SAMD4A: variants seen among roughly 807,000 people sequenced by gnomAD.
The protein encoded by SAMD4A is sterile alpha motif domain containing 4A.
Under a neutral mutation model 81.3 loss-of-function variants are expected in SAMD4A, and 33 were observed. The observed-to-expected ratio is 0.41, with a 90% CI of 0.31 to 0.54. The LOEUF is 0.54. Among genes scored for constraint, SAMD4A ranks in the 20% least tolerant of loss-of-function variants. The pLI, the probability that SAMD4A is intolerant of heterozygous loss-of-function variation, is 0.37. For missense variants in SAMD4A, 854 were observed against 951.1 expected, an observed-to-expected ratio of 0.90 and a Z score of 1.34; for synonymous variants, 389 against 382.1, an observed-to-expected ratio of 1.02 and a Z score of -0.21.
intron 3 of SAMD4A, among the ~76,000 whole-genome samples, chr14:54,715,751 G>T (rs2140833137): frequency 6.6e-6 from 1 of 152,196 alleles, no homozygotes; most frequent in Non-Finnish European, 1.5e-5. Context: ...AAATGATTCA[G>T]CCTGGAATAA....
intron 2 of SAMD4A, among the ~76,000 whole-genome samples, chr14:54,660,954 C>G (rs1259812471): frequency 6.6e-6 from 1 of 152,214 alleles, no homozygotes; most frequent in Non-Finnish European, 1.5e-5. Flanking sequence ...ATTCAGGCAT[C>G]TTTTTAGTTC....
chr14:54,771,404 ACCAGCT>A (rs937808500), intron 9 of SAMD4A, among the ~76,000 whole-genome samples: 1 of 152,218 alleles, frequency 6.6e-6, no homozygotes, highest in Non-Finnish European at 1.5e-5. Context: ...GCAGGCTGGC[ACCAGCT>A]CCAGCTCCAT....
chr14:54,773,662 T>A (rs2038762893), intron 9 of SAMD4A, among the ~76,000 whole-genome samples: 1 of 152,202 alleles, frequency 6.6e-6, no homozygotes, highest in African/African-American at 2.4e-5. Flanking sequence ...GGACCTGCCC[T>A]GGCCCTTATG....
intron 2 of SAMD4A, among the ~76,000 whole-genome samples, chr14:54,621,208 A>C (rs1171807355): frequency 6.6e-6 from 1 of 152,216 alleles, no homozygotes; most frequent in African/African-American, 2.4e-5. Flanking sequence ...GCAACTCTTG[A>C]ATTCAAACAT....
intron 2 of SAMD4A, among the ~76,000 whole-genome samples, chr14:54,629,007 A>T (rs1425632507): frequency 6.6e-6 from 1 of 152,020 alleles, no homozygotes; most frequent in African/African-American, 2.4e-5. Flanking sequence ...TATGAATGTG[A>T]CCTTCTTTGG....
chr14:54,757,906 T>C (rs1008270172), intron 6 of SAMD4A, among the ~76,000 whole-genome samples: 7 of 152,146 alleles, frequency 4.6e-5, no homozygotes, highest in Non-Finnish European at 1.0e-4. Flanking sequence ...ATGGGTCAGC[T>C]AGCTCACCTC....
upstream of SAMD4A, among the ~76,000 whole-genome samples, chr14:54,566,095 G>A (rs1333841540): frequency 1.3e-5 from 2 of 151,564 alleles, no homozygotes; most frequent in African/African-American, 2.4e-5. Context: ...GGGGAGCTCC[G>A]GCTCGGGCGG....
intron 2 of SAMD4A, 151 bp from the exon 3 acceptor site, chr14:54,701,911 A>C: frequency 1.3e-6 from 1 of 796,692 alleles, no homozygotes; most frequent in Non-Finnish European, 1.9e-6. Context: ...ACCTGGGGTC[A>C]GTTAACCAAT....
chr14:54,732,213 T>C (rs2037575154), intron 3 of SAMD4A, among the ~76,000 whole-genome samples: 1 of 152,234 alleles, frequency 6.6e-6, no homozygotes, highest in South Asian at 2.1e-4. Context: ...ATTTCAAATC[T>C]GCTGATTTTT....
chr14:54,602,323 T>A (rs868645194), intron 2 of SAMD4A, among the ~76,000 whole-genome samples: 2 of 136,556 alleles, frequency 1.5e-5, no homozygotes, highest in Non-Finnish European at 3.2e-5. Context: ...TGCTTTAAAA[T>A]ACACACACAC....
Position 54,776,563 on chromosome 14 carries a change from C to T in SAMD4A, c.2044+23C>T, listed in dbSNP as rs766334617. On this transcript the variant is annotated intron_variant, in intron 11 of 12. Coordinates refer to ENST00000554335, the MANE Select transcript of SAMD4A (RefSeq NM_015589.6). ...CAGGTAGGGCCCGGCGCTTCATGTC[C>T]CCTTGACACAGAGGGGAGGCCAAAA... 6 of 1,529,550 alleles carry T rather than the reference C, an allele frequency of 3.9e-6. No homozygotes were observed. In the East Asian group the frequency reaches 1.5e-4, roughly 39 times the overall value. 94.7% of individuals were successfully genotyped at this position (1,529,550 alleles called of 1,614,324 possible).
chr14:54,735,944 C>T (rs1050377509), intron 3 of SAMD4A, among the ~76,000 whole-genome samples: 8 of 152,098 alleles, frequency 5.3e-5, no homozygotes, highest in African/African-American at 1.9e-4. Flanking sequence ...TAATGGCTTC[C>T]CTGAAAAATG....
chr14:54,650,462 C>T (rs2035379544), intron 2 of SAMD4A, among the ~76,000 whole-genome samples: 2 of 152,226 alleles, frequency 1.3e-5, no homozygotes, highest in Admixed American at 1.3e-4. Flanking sequence ...AGTCTTGCCT[C>T]CTTGTCATCT....
chr14:54,668,530 A>G (rs141311179), intron 2 of SAMD4A, among the ~76,000 whole-genome samples: 3 of 152,318 alleles, frequency 2.0e-5, no homozygotes, highest in African/African-American at 7.2e-5. Flanking sequence ...CAAATGCCAG[A>G]CTGGTGATTT....
chr14:54,577,980 G>A (rs1158808712), intron 2 of SAMD4A, among the ~76,000 whole-genome samples: 1 of 152,212 alleles, frequency 6.6e-6, no homozygotes, highest in Admixed American at 6.5e-5. Context: ...ACAATGCAGT[G>A]GCCTGGGCTT....
chr14:54,651,339 T>C (rs1413659486), intron 2 of SAMD4A, among the ~76,000 whole-genome samples: 1 of 152,222 alleles, frequency 6.6e-6, no homozygotes, highest in Non-Finnish European at 1.5e-5. Context: ...GACGAGGTGA[T>C]GTGGGCACTA....
chr14:54,752,902 T>C (rs1205103902), intron 6 of SAMD4A, among the ~76,000 whole-genome samples: 2 of 152,248 alleles, frequency 1.3e-5, no homozygotes, highest in African/African-American at 2.4e-5. Flanking sequence ...GGGAAGGTAC[T>C]ATGACTGGAC....
At chr14:54,659,654 C>T (rs1288115249) in intron 2 of SAMD4A, among the ~76,000 whole-genome samples, 2 of 152,166 alleles carry the variant, frequency 1.3e-5, no homozygotes, top group East Asian at 3.9e-4. Context: ...ATGTCTCCTC[C>T]CCAACCTCAG....
chr14:54,779,683 T>A (rs34392121), intron 11 of SAMD4A, among the ~76,000 whole-genome samples: 60,644 of 148,380 alleles, frequency 0.41, 13,463 homozygotes, highest in East Asian at 0.58. Context: ...ACAAGCTTTT[T>A]TTTTTTTTTT....
Sources: gnomAD v4.1 joint callset for allele counts (sites outside exome capture counted in the v4.1 genomes callset) on GRCh38, gnomAD v4.1.1 for gene constraint, MANE v1.5 for transcripts, NCBI Gene and HGNC (gene_info 2026-07-23, HGNC 2026-07-21) for gene names.